PHLPP1: variants seen among roughly 807,000 people sequenced by gnomAD.
PHLPP1 encodes PH domain leucine-rich repeat-containing protein phosphatase 1.
PHLPP1 carries 42 observed loss-of-function variants against 117.2 expected under a neutral mutation model. The observed-to-expected ratio is 0.36, with a 90% CI of 0.28 to 0.46. The LOEUF (loss-of-function observed/expected upper bound fraction) is 0.46. PHLPP1 is among the 20% of genes least tolerant of loss of function. PHLPP1 has a pLI of 1.00. For missense variants in PHLPP1, 2,084 were observed against 2,241.9 expected (o/e 0.93, Z 1.42); for synonymous variants, 1,042 against 970.7 (o/e 1.07, Z -1.37).
intron 1 of PHLPP1, among the ~76,000 whole-genome samples, chr18:62,791,145 G>A (rs1363411974): frequency 1.3e-5 from 2 of 152,094 alleles, no homozygotes; most frequent in African/African-American, 2.4e-5. Flanking sequence ...CCTAGCAAGC[G>A]CTTAATAATT....
At chr18:62,869,561 T>G (rs999800929) in intron 4 of PHLPP1, among the ~76,000 whole-genome samples, 9 of 152,236 alleles carry the variant, frequency 5.9e-5, no homozygotes, top group African/African-American at 2.2e-4. Context: ...TTCACTTGTC[T>G]TTGTACTTGA....
At chr18:62,915,765 C>T (rs1909250986) in intron 9 of PHLPP1, among the ~76,000 whole-genome samples, 1 of 152,152 alleles carries the variant, frequency 6.6e-6, no homozygotes, top group African/African-American at 2.4e-5. Context: ...TCTGTGCTGG[C>T]CAGTATGGTA....
intron 14 of PHLPP1, among the ~76,000 whole-genome samples, chr18:62,967,767 A>G: frequency 6.6e-6 from 1 of 151,026 alleles, no homozygotes; most frequent in Non-Finnish European, 1.5e-5. Flanking sequence ...TGATTTTAAA[A>G]TGTTAAATAC....
intron 10 of PHLPP1, among the ~76,000 whole-genome samples, chr18:62,938,994 CT>C (rs1555683300): frequency 1.7e-3 from 216 of 128,662 alleles, no homozygotes; most frequent in East Asian, 3.2e-3. Flanking sequence ...TTCTTTCTTT[CT>C]TTTTTTTTTT....
intron 1 of PHLPP1, among the ~76,000 whole-genome samples, chr18:62,769,770 TA>T (rs1314550075): frequency 2.0e-5 from 3 of 152,260 alleles, no homozygotes; most frequent in African/African-American, 7.2e-5. Flanking sequence ...AGTAATGTGC[TA>T]AAATGCAGCT....
At chr18:62,948,396 A>G (rs764025783) in intron 12 of PHLPP1, among the ~76,000 whole-genome samples, 8 of 152,178 alleles carry the variant, frequency 5.3e-5, no homozygotes, top group Non-Finnish European at 1.2e-4. Flanking sequence ...GCTGTATGAA[A>G]ACTAATCCTC....
rs191895520 is a variant in PHLPP1, at chr18:62,725,664, C to G, written c.1576+8405C>G. 1.4e-4 allele frequency among the ~76,000 whole-genome samples: 22 copies of G among 152,188 alleles called. No homozygotes were observed. The East Asian group carries it at 3.7e-3, about 25-fold the overall frequency. ...AGAGAGAGAGAGAGAAAGAAATATC[C>G]TGCTCTCATTAGCAAAAAGATAGTT... On this transcript the variant is annotated intron_variant, in intron 1 of 16. Coordinates refer to ENST00000262719, the MANE Select transcript of PHLPP1 (RefSeq NM_194449.4).
chr18:62,957,185 C>T (rs959093912), intron 12 of PHLPP1, among the ~76,000 whole-genome samples: 5 of 152,172 alleles, frequency 3.3e-5, no homozygotes, highest in Non-Finnish European at 5.9e-5. Context: ...CTGACCACTC[C>T]GTTTCTCTTG....
intron 12 of PHLPP1, among the ~76,000 whole-genome samples, chr18:62,952,349 T>C (rs1910487534): frequency 6.6e-6 from 1 of 152,150 alleles, no homozygotes; most frequent in Non-Finnish European, 1.5e-5. Flanking sequence ...GCAGATAACT[T>C]AGTTTTAGTG....
intron 10 of PHLPP1, among the ~76,000 whole-genome samples, chr18:62,938,391 T>C (rs540642680): frequency 6.6e-6 from 1 of 152,316 alleles, no homozygotes; most frequent in African/African-American, 2.4e-5. Flanking sequence ...ACTAAAGTAT[T>C]TGTTCGTTCT....
intron 12 of PHLPP1, 58 bp downstream of exon 12, chr18:62,945,329 C>T: frequency 1.4e-6 from 2 of 1,403,452 alleles, no homozygotes; most frequent in East Asian, 2.4e-5. Context: ...AGTTGACTTC[C>T]TAACTCATCA....
chr18:62,956,434 C>T (rs966266651), intron 12 of PHLPP1, among the ~76,000 whole-genome samples: 13 of 152,080 alleles, frequency 8.5e-5, no homozygotes, highest in Admixed American at 5.9e-4. Context: ...AATACTATCA[C>T]GTTGGGGATT....
chr18:62,824,165 G>C, intron 1 of PHLPP1: 2 of 455,098 alleles, frequency 4.4e-6, no homozygotes, highest in South Asian at 3.1e-5. Flanking sequence ...CAGGGATGTG[G>C]AGCATCGGGA....
chr18:62,759,135 T>G (rs1912128310), intron 1 of PHLPP1, among the ~76,000 whole-genome samples: 1 of 152,212 alleles, frequency 6.6e-6, no homozygotes, highest in Non-Finnish European at 1.5e-5. Flanking sequence ...GGTGATTTAG[T>G]ACTATGTGGT....
intron 15 of PHLPP1, among the ~76,000 whole-genome samples, chr18:62,973,717 G>A (rs1227015004): frequency 2.0e-5 from 3 of 152,162 alleles, no homozygotes; most frequent in Admixed American, 2.0e-4. Flanking sequence ...GATTCTCAGT[G>A]AGCATATACA....
chr18:62,799,776 T>G (rs1023421135), intron 1 of PHLPP1, among the ~76,000 whole-genome samples: 1 of 152,178 alleles, frequency 6.6e-6, no homozygotes, highest in South Asian at 2.1e-4. Flanking sequence ...TAGCTGAGGG[T>G]TTTTGTTTAT....
At chr18:62,865,981 G>A (rs1310002399) in intron 4 of PHLPP1, among the ~76,000 whole-genome samples, 1 of 152,124 alleles carries the variant, frequency 6.6e-6, no homozygotes. Flanking sequence ...AAACCCTCAT[G>A]ACACACGTTT....
rs1380845527 is a variant in PHLPP1 at position 62,839,275 on chromosome 18, C to T, written c.1899+366C>T. ...ATTGTTACAAATTTCCCTTCTTTCT[C>T]TGACTGTTTTTTCATATAAATAGTC... On this transcript the variant is annotated intron_variant, in intron 3 of 16. Transcript: ENST00000262719. The T allele has an allele frequency of 1.6e-5, 3 of 182,612 alleles. No individual in the cohort carries two copies. The East Asian group carries it at 4.3e-4, about 26-fold the overall frequency. The allele number at this position is 182,612 out of a possible 1,614,324, so 11.3% of individuals were successfully genotyped here.
At chr18:62,972,306 T>A (rs1029856340) in intron 14 of PHLPP1, among the ~76,000 whole-genome samples, 2 of 152,236 alleles carry the variant, frequency 1.3e-5, no homozygotes, top group African/African-American at 4.8e-5. Context: ...TAGGAAGGCA[T>A]GTGTGAAGCA....
Sources: allele counts gnomAD v4.1 joint callset (sites outside exome capture counted in the v4.1 genomes callset), GRCh38; gene constraint gnomAD v4.1.1; transcripts MANE v1.5; gene names NCBI Gene and HGNC (gene_info 2026-07-23, HGNC 2026-07-21).